Variants in IGFL4 observed in about 807,000 individuals in gnomAD.
IGFL4 encodes insulin growth factor-like family member 4.
A neutral mutation model predicts 15.4 loss-of-function variants in IGFL4; 12 were observed. The observed-to-expected ratio is 0.78, with a 90% CI of 0.50 to 1.26. The LOEUF (loss-of-function observed/expected upper bound fraction) is 1.26, where lower values mean the gene tolerates loss of function less well. Ranked by LOEUF, IGFL4 falls within the 50% of genes most tolerant of loss-of-function variation. The pLI is 0.00. For missense variants in IGFL4, 126 were observed against 147.8 expected, an observed-to-expected ratio of 0.85 and a Z score of 0.76; for synonymous variants, 54 against 55.9, an observed-to-expected ratio of 0.97 and a Z score of 0.16.
At chr19:46,055,722 T>C (rs1410243379) in intron 2 of IGFL4, among the ~76,000 whole-genome samples, 1 of 152,230 alleles carries the variant, frequency 6.6e-6, no homozygotes, top group African/African-American at 2.4e-5. Context: ...CTCAATATTT[T>C]ACAGCTGAAT....
chr19:46,052,866 G>A (rs865819382), intron 2 of IGFL4, among the ~76,000 whole-genome samples: 1 of 120,590 alleles, frequency 8.3e-6, no homozygotes. Context: ...ATGTTATCTC[G>A]TTTTTTTTTT....
intron 2 of IGFL4, among the ~76,000 whole-genome samples, chr19:46,057,447 C>T (rs563487719): frequency 2.0e-5 from 3 of 152,074 alleles, no homozygotes; most frequent in African/African-American, 7.2e-5. Flanking sequence ...TTTTAGTTCC[C>T]CATAAATCAG....
At chr19:46,052,391 G>A (rs899075547) in intron 2 of IGFL4, among the ~76,000 whole-genome samples, 1 of 152,216 alleles carries the variant, frequency 6.6e-6, no homozygotes, top group Non-Finnish European at 1.5e-5. Flanking sequence ...GCTCCTGAGT[G>A]ATCATTGGGA....
intron 1 of IGFL4, among the ~76,000 whole-genome samples, chr19:46,071,852 T>G (rs1969549963): frequency 6.6e-6 from 1 of 152,134 alleles, no homozygotes; most frequent in Non-Finnish European, 1.5e-5. Flanking sequence ...ATGGTGAAAC[T>G]CCATCTCTAC....
chr19:46,053,099 A>G (rs1459567918), intron 2 of IGFL4, among the ~76,000 whole-genome samples: 3 of 152,124 alleles, frequency 2.0e-5, no homozygotes, highest in Non-Finnish European at 4.4e-5. Context: ...GGCAAGTTGT[A>G]TAATTGGGGT....
intron 1 of IGFL4, among the ~76,000 whole-genome samples, chr19:46,069,827 T>C (rs901567759): frequency 9.2e-5 from 14 of 152,200 alleles, no homozygotes; most frequent in African/African-American, 2.7e-4. Flanking sequence ...TGAAGCAAAT[T>C]GTGTAAGATG....
chr19:46,053,313 C>T (rs1281459907), intron 2 of IGFL4, among the ~76,000 whole-genome samples: 1 of 152,154 alleles, frequency 6.6e-6, no homozygotes, highest in African/African-American at 2.4e-5. Flanking sequence ...CTCCCAGGTT[C>T]GAGTGATTCT....
chr19:46,065,270 C>T (rs903168681), intron 1 of IGFL4, among the ~76,000 whole-genome samples: 5 of 151,168 alleles, frequency 3.3e-5, no homozygotes, highest in Admixed American at 2.6e-4. Context: ...TGTGTGTTGT[C>T]TCTTCACTTC....
At chr19:46,041,526 A>T (rs1219777002), upstream of IGFL4, among the ~76,000 whole-genome samples, 1 of 152,142 alleles carries the variant, frequency 6.6e-6, no homozygotes, top group African/African-American at 2.4e-5. Context: ...CAGGGAGAAC[A>T]ACAACAACAA....
chr19:46,058,795 C>G (rs1255368373), intron 2 of IGFL4: 2 of 152,210 alleles, frequency 1.3e-5, no homozygotes, highest in African/African-American at 4.8e-5. Context: ...GTACCTTGGC[C>G]CCTTTTATCC....
chr19:46,075,378 T>A (rs771653709), intron 1 of IGFL4, among the ~76,000 whole-genome samples: 7 of 152,148 alleles, frequency 4.6e-5, no homozygotes, highest in Non-Finnish European at 1.0e-4. Flanking sequence ...TTTCTCAGAT[T>A]TTTCCTTGTT....
chr19:46,072,060 A>G (rs1374196022), intron 1 of IGFL4, among the ~76,000 whole-genome samples: 1 of 152,234 alleles, frequency 6.6e-6, no homozygotes, highest in East Asian at 1.9e-4. Context: ...TCTCCAACTT[A>G]CAGCCATTAA....
At chr19:46,052,866 G>GTT (rs5828264) in intron 2 of IGFL4, among the ~76,000 whole-genome samples, 4,462 of 120,436 alleles carry the variant, frequency 0.037, 191 homozygotes, top group Middle Eastern at 0.055. Flanking sequence ...ATGTTATCTC[G>GTT]TTTTTTTTTT....
At chr19:46,056,791 C>G (rs1369340400) in intron 2 of IGFL4, among the ~76,000 whole-genome samples, 2 of 152,210 alleles carry the variant, frequency 1.3e-5, no homozygotes, top group Non-Finnish European at 2.9e-5. Context: ...AGAAATGGAG[C>G]CCATTACGTC....
intron 1 of IGFL4, among the ~76,000 whole-genome samples, chr19:46,066,377 T>A (rs1460461229): frequency 6.6e-6 from 1 of 152,170 alleles, no homozygotes; most frequent in African/African-American, 2.4e-5. Context: ...CAACCATAAC[T>A]AGGAACACCC....
At chr19:46,066,384 A>T (rs1969494817) in intron 1 of IGFL4, among the ~76,000 whole-genome samples, 1 of 152,160 alleles carries the variant, frequency 6.6e-6, no homozygotes, top group Non-Finnish European at 1.5e-5. Context: ...AACTAGGAAC[A>T]CCCAACTCCC....
intron 2 of IGFL4, among the ~76,000 whole-genome samples, chr19:46,049,858 A>G (rs915380973): frequency 6.6e-6 from 1 of 152,168 alleles, no homozygotes; most frequent in African/African-American, 2.4e-5. Flanking sequence ...AGGCCAACCA[A>G]CACAAACCAG....
At chr19:46,072,679 A>T (rs903285940) in intron 1 of IGFL4, among the ~76,000 whole-genome samples, 1 of 152,196 alleles carries the variant, frequency 6.6e-6, no homozygotes, top group Non-Finnish European at 1.5e-5. Flanking sequence ...AGCCCTTATG[A>T]TGTGTTCTGT....
intron 2 of IGFL4, among the ~76,000 whole-genome samples, chr19:46,049,559 G>C (rs1233316460): frequency 1.3e-5 from 2 of 152,048 alleles, no homozygotes; most frequent in Non-Finnish European, 2.9e-5. Flanking sequence ...ATTCCCCTGG[G>C]AACATAACTC....
Sources: allele counts gnomAD v4.1 joint callset (sites outside exome capture counted in the v4.1 genomes callset), GRCh38; gene constraint gnomAD v4.1.1; transcripts MANE v1.5; gene names NCBI Gene and HGNC (gene_info 2026-07-23, HGNC 2026-07-21).